Variants in DAB1 observed in about 807,000 individuals in gnomAD.
The protein encoded by DAB1 is disabled homolog 1.
Under a neutral mutation model 64.6 loss-of-function variants are expected in DAB1, and 15 were observed. That is an observed-to-expected ratio of 0.23 (90% confidence interval 0.16 to 0.36). The LOEUF (loss-of-function observed/expected upper bound fraction) is 0.36, where lower values mean the gene tolerates loss of function less well. Ranked by LOEUF, DAB1 falls within the 10% of genes least tolerant of loss-of-function variation. DAB1 has a pLI of 1.00. For missense variants in DAB1, 596 were observed against 706.7 expected (o/e 0.84, Z 1.78); for synonymous variants, 235 against 251.9 (o/e 0.93, Z 0.64).
rs146412031 is a variant in DAB1 at position 58,246,626 on chromosome 1, G to A, written n.310-96038C>T. Among the ~76,000 whole-genome samples, 174 of 152,180 alleles carry A rather than the reference G, an allele frequency of 1.1e-3. 2 individuals carry two copies. The highest frequency in any genetic ancestry group is 2.2e-3 in the Admixed American group (34 of 15,292). ...GGCTGCATATGATGTGTGTGGGTAG[G>A]TGTGCATGTGTGAGTATGGTAGTGA... On this transcript the variant is annotated intron_variant and non_coding_transcript_variant, in intron 4 of 20. Transcript: ENST00000485760.
chr1:57,102,268 G>A (rs572714701), intron 4 of DAB1, among the ~76,000 whole-genome samples: 6 of 152,048 alleles, frequency 3.9e-5, no homozygotes, highest in East Asian at 1.9e-4. Context: ...CACATACATT[G>A]CTAATGGGAG....
intron 3 of DAB1, among the ~76,000 whole-genome samples, chr1:58,375,666 G>C (rs940712106): frequency 1.4e-5 from 2 of 142,046 alleles, no homozygotes; most frequent in Non-Finnish European, 3.1e-5. Context: ...GTCTCTGCCC[G>C]GCTTTGGTAT....
chr1:57,612,518 A>C (rs970407048), intron 7 of DAB1, among the ~76,000 whole-genome samples: 1 of 152,078 alleles, frequency 6.6e-6, no homozygotes, highest in Admixed American at 6.6e-5. Context: ...AGGGAAGAGA[A>C]AAGATGCTAT....
chr1:57,701,496 T>C (rs971787937), intron 6 of DAB1, among the ~76,000 whole-genome samples: 12 of 151,770 alleles, frequency 7.9e-5, no homozygotes, highest in African/African-American at 2.4e-4. Flanking sequence ...TAGGTGGGAA[T>C]TGAACAATGA....
intron 6 of DAB1, among the ~76,000 whole-genome samples, chr1:57,733,558 G>T (rs893542413): frequency 3.9e-5 from 6 of 152,010 alleles, no homozygotes; most frequent in African/African-American, 1.5e-4. Context: ...TATTTACTAT[G>T]CATAGGAGCC....
At chr1:58,005,068 C>G (rs1646561559) in intron 5 of DAB1, among the ~76,000 whole-genome samples, 1 of 142,196 alleles carries the variant, frequency 7.0e-6, no homozygotes, top group Admixed American at 7.3e-5. Context: ...GCTTGGGTGT[C>G]CCTCTTTTTA....
intron 14 of DAB1, among the ~76,000 whole-genome samples, chr1:57,004,293 T>G (rs1645982595): frequency 6.6e-6 from 1 of 152,248 alleles, no homozygotes; most frequent in African/African-American, 2.4e-5. Flanking sequence ...AAGACGCTCT[T>G]GGAAGCTACC....
chr1:57,053,388 C>T (rs972098277), intron 9 of DAB1, among the ~76,000 whole-genome samples: 1 of 151,988 alleles, frequency 6.6e-6, no homozygotes, highest in South Asian at 2.1e-4. Flanking sequence ...GCTAGGACTA[C>T]AGGCATGTAT....
chr1:58,422,972 T>C (rs1466351297), intron 3 of DAB1, among the ~76,000 whole-genome samples: 1 of 152,174 alleles, frequency 6.6e-6, no homozygotes, highest in East Asian at 1.9e-4. Context: ...CTGAGATAGG[T>C]AAGTTTTATC....
rs117270549 is a variant in DAB1, at chr1:58,200,322, C to T, written n.310-49734G>A. ...CAGATAAATGTTGGCAGAGCTGTAA[C>T]TAGAACCTACTTCTAACTCCCATGC... On this transcript the variant is annotated intron_variant and non_coding_transcript_variant, in intron 4 of 20. Transcript: ENST00000485760. Among the ~76,000 whole-genome samples, 1,112 of 152,286 alleles carry T rather than the reference C, an allele frequency of 7.3e-3. 42 individuals carry two copies. The South Asian group carries it at 0.097, about 13-fold the overall frequency.
intron 6 of DAB1, among the ~76,000 whole-genome samples, chr1:57,732,272 G>C (rs1262352250): frequency 6.6e-6 from 1 of 152,150 alleles, no homozygotes; most frequent in East Asian, 1.9e-4. Flanking sequence ...CCATTAGGGT[G>C]GGGGCAAGTG....
At chr1:57,565,003 A>G (rs1645100375) in intron 7 of DAB1, among the ~76,000 whole-genome samples, 1 of 152,210 alleles carries the variant, frequency 6.6e-6, no homozygotes, top group African/African-American at 2.4e-5. Context: ...GAGGGAAAAA[A>G]TGTTAAGGGC....
At chr1:58,066,411 A>G (rs1648857628) in intron 5 of DAB1, among the ~76,000 whole-genome samples, 1 of 152,200 alleles carries the variant, frequency 6.6e-6, no homozygotes, top group Admixed American at 6.5e-5. Flanking sequence ...TAATAATCCT[A>G]TGGATTTAAT....
At chr1:57,884,982 T>C (rs548505489), upstream of DAB1, among the ~76,000 whole-genome samples, 80 of 152,166 alleles carry the variant, frequency 5.3e-4, no homozygotes, top group Non-Finnish European at 9.0e-4. Context: ...GAGGCCCTCC[T>C]CAGTAGCAGA....
At chr1:57,190,027 C>G (rs1277047366) in intron 2 of DAB1, among the ~76,000 whole-genome samples, 1 of 152,114 alleles carries the variant, frequency 6.6e-6, no homozygotes, top group Non-Finnish European at 1.5e-5. Flanking sequence ...AGCTCAATAT[C>G]TGGGAACAAG....
At chr1:57,133,659 C>G (rs772055110) in intron 4 of DAB1, among the ~76,000 whole-genome samples, 6 of 152,092 alleles carry the variant, frequency 3.9e-5, no homozygotes, top group Non-Finnish European at 8.8e-5. Flanking sequence ...TGCAAAGGGT[C>G]TCTTTAATTG....
At chr1:58,168,437 A>G (rs190832280) in intron 4 of DAB1, among the ~76,000 whole-genome samples, 40 of 152,284 alleles carry the variant, frequency 2.6e-4, no homozygotes, top group African/African-American at 7.2e-4. Flanking sequence ...AATGCCTGTC[A>G]GACAAACTTC....
At chr1:58,232,023 A>T (rs1198064262) in intron 4 of DAB1, among the ~76,000 whole-genome samples, 4 of 152,222 alleles carry the variant, frequency 2.6e-5, no homozygotes, top group African/African-American at 7.2e-5. Flanking sequence ...TCTTTCCCAT[A>T]AACTATTTTG....
intron 6 of DAB1, among the ~76,000 whole-genome samples, chr1:57,731,812 A>T (rs144638063): frequency 1.6e-4 from 25 of 151,902 alleles, no homozygotes; most frequent in African/African-American, 5.1e-4. Flanking sequence ...CTCAAAAAAA[A>T]AATAATAATA....
Sources: allele counts gnomAD v4.1 joint callset (sites outside exome capture counted in the v4.1 genomes callset), GRCh38; gene constraint gnomAD v4.1.1; transcripts MANE v1.5; gene names NCBI Gene and HGNC (gene_info 2026-07-23, HGNC 2026-07-21).